Variants in THSD7B observed in about 807,000 individuals in gnomAD.
The protein encoded by THSD7B is thrombospondin type 1 domain containing 7B.
THSD7B carries 138 observed loss-of-function variants against 213.6 expected under a neutral mutation model. The ratio of observed to expected loss-of-function variants is 0.65; its 90% CI spans 0.56 to 0.74. The LOEUF is 0.74. Among genes scored for constraint, THSD7B ranks in the 30% least tolerant of loss-of-function variants. THSD7B has a pLI of 0.00. For missense variants in THSD7B, 1,931 were observed against 1,991.5 expected (o/e 0.97, Z 0.58); for synonymous variants, 742 against 687.0 (o/e 1.08, Z -1.25).
intron 1 of THSD7B, among the ~76,000 whole-genome samples, chr2:136,767,119 A>G (rs1251179791): frequency 1.3e-5 from 2 of 152,160 alleles, no homozygotes; most frequent in African/African-American, 4.8e-5. Flanking sequence ...TTCTCGAGTA[A>G]CTAGGAGGAG....
intron 2 of THSD7B, among the ~76,000 whole-genome samples, chr2:137,014,777 C>T (rs1276671349): frequency 1.3e-5 from 2 of 152,210 alleles, no homozygotes; most frequent in East Asian, 3.9e-4. Flanking sequence ...TTCCTCACAC[C>T]GCATCTCAGT....
intron 1 of THSD7B, among the ~76,000 whole-genome samples, chr2:136,880,677 A>G (rs1683607189): frequency 6.6e-6 from 1 of 152,060 alleles, no homozygotes; most frequent in African/African-American, 2.4e-5. Flanking sequence ...TATGTAGCAC[A>G]TCCAGTTGTT....
In THSD7B at chr2:137,170,879, A is replaced by T. The variant is rs1238134134; in HGVS notation, c.1664A>T (p.Asp555Val). The change falls in exon 7 of 28, where the codon GAT becomes GTT. Residue 555 changes from aspartate to valine, a missense_variant. Asp to Val is a radical substitution (Grantham distance 152, BLOSUM62 -3). Coordinates refer to ENST00000409968, the MANE Select transcript of THSD7B (RefSeq NM_001316349.2). The part of the protein sequence containing the change: ...WLASEGICFP[D>V]HGKCGLGHRI... ...GCATCAGAAGGGATCTGTTTCCCTG[A>T]TCATGGAAAATGTGGCCTGGGACAT... 2 of 1,613,530 alleles carry T rather than the reference A, an allele frequency of 1.2e-6. No individual in the cohort carries two copies. Among genetic ancestry groups the T allele is most frequent in the Non-Finnish European group, 1.7e-6 (2 of 1,179,766 alleles).
At chr2:136,911,147 G>T (rs1285659420) in intron 2 of THSD7B, among the ~76,000 whole-genome samples, 1 of 152,106 alleles carries the variant, frequency 6.6e-6, no homozygotes, top group African/African-American at 2.4e-5. Flanking sequence ...CAACTTTAAG[G>T]TTGGCTTTTG....
chr2:137,146,310 G>C (rs1037001411), intron 5 of THSD7B, among the ~76,000 whole-genome samples: 1 of 152,008 alleles, frequency 6.6e-6, no homozygotes, highest in Non-Finnish European at 1.5e-5. Context: ...AAATTAAAAA[G>C]ATAGATTTCA....
intron 12 of THSD7B, among the ~76,000 whole-genome samples, chr2:137,330,398 C>T (rs1054374658): frequency 5.9e-5 from 9 of 152,158 alleles, no homozygotes; most frequent in South Asian, 4.1e-4. Flanking sequence ...AAAGTGTGTC[C>T]GTAATTGGTG....
At chr2:136,888,312 G>A (rs1683753854) in intron 2 of THSD7B, among the ~76,000 whole-genome samples, 1 of 152,020 alleles carries the variant, frequency 6.6e-6, no homozygotes, top group Admixed American at 6.6e-5. Flanking sequence ...TTGGAAAAAA[G>A]AGACTATGAA....
intron 10 of THSD7B, among the ~76,000 whole-genome samples, chr2:137,259,261 A>G (rs1415220010): frequency 1.3e-5 from 2 of 152,186 alleles, no homozygotes; most frequent in African/African-American, 2.4e-5. Flanking sequence ...GAATCACCAC[A>G]CTGTTTTCCA....
intron 14 of THSD7B, among the ~76,000 whole-genome samples, chr2:137,412,521 C>A (rs200190619): frequency 6.9e-6 from 1 of 144,554 alleles, no homozygotes; most frequent in Admixed American, 7.0e-5. Flanking sequence ...TGCTTGAACC[C>A]GGGGGGCAGA....
At chr2:137,472,587 A>G (rs910743566) in intron 15 of THSD7B, among the ~76,000 whole-genome samples, 3 of 152,216 alleles carry the variant, frequency 2.0e-5, no homozygotes. Context: ...CTGTTCTTGC[A>G]TCAGTCTTTT....
chr2:137,241,845 G>T lies in THSD7B; in HGVS notation c.2151-612G>T, dbSNP rs1681913285. ...AGTCACTTGAACTTGGGAGGTGGAG[G>T]TTGCAGTGAGCCGAGATCGTGCCAC... On this transcript the variant is annotated intron_variant, in intron 9 of 27. Coordinates refer to ENST00000409968, the MANE Select transcript of THSD7B (RefSeq NM_001316349.2). 2.0e-5 allele frequency among the ~76,000 whole-genome samples: 3 copies of T among 151,562 alleles called. No homozygotes were observed. The South Asian group carries it at 6.3e-4, about 32-fold the overall frequency.
intron 12 of THSD7B, among the ~76,000 whole-genome samples, chr2:137,311,779 T>G (rs1683915358): frequency 6.6e-6 from 1 of 150,840 alleles, no homozygotes; most frequent in Admixed American, 6.6e-5. Context: ...GGTTTTTGTC[T>G]TTGGTTCTGT....
At chr2:136,886,985 G>C (rs1432011014) in intron 2 of THSD7B, among the ~76,000 whole-genome samples, 2 of 152,126 alleles carry the variant, frequency 1.3e-5, no homozygotes, top group Non-Finnish European at 2.9e-5. Context: ...GAAATGAAGA[G>C]ATTAGCTTGA....
intron 2 of THSD7B, among the ~76,000 whole-genome samples, chr2:136,969,090 A>T (rs2104798114): frequency 6.6e-6 from 1 of 152,278 alleles, no homozygotes; most frequent in African/African-American, 2.4e-5. Context: ...TGTCAGCTAT[A>T]GGTCTGCTTG....
At chr2:137,598,244 G>GCCAACTAGATGGTAC (rs1558854521) in intron 17 of THSD7B, among the ~76,000 whole-genome samples, 2 of 152,188 alleles carry the variant, frequency 1.3e-5, no homozygotes, top group African/African-American at 4.8e-5. Flanking sequence ...ACATTTTCCA[G>GCCAACTAGATGGTAC]AAGTTGCCAA....
chr2:137,242,937 A>G (rs1459325723), intron 10 of THSD7B, among the ~76,000 whole-genome samples: 4 of 152,136 alleles, frequency 2.6e-5, no homozygotes, highest in African/African-American at 9.7e-5. Flanking sequence ...AGTTCCAGGT[A>G]TCCTCATTAG....
chr2:136,796,607 C>T (rs1682069705), intron 1 of THSD7B, among the ~76,000 whole-genome samples: 2 of 151,874 alleles, frequency 1.3e-5, no homozygotes, highest in Non-Finnish European at 2.9e-5. Context: ...TCAAGATTTT[C>T]AGAGATTAAG....
chr2:137,567,179 T>A lies in THSD7B; in HGVS notation c.3272+3825T>A, dbSNP rs186750642. ...TATTTTATTTTATTTTATTTTATTT[T>A]ATTTTTTGAGACTGAGTCTTGATCT... On this transcript the variant is annotated intron_variant, in intron 16 of 27. Transcript: ENST00000409968. Among the ~76,000 whole-genome samples, 144 of 149,406 alleles carry A rather than the reference T, an allele frequency of 9.6e-4. 3 individuals are homozygous for A. The East Asian group carries it at 0.027, about 28-fold the overall frequency.
intron 8 of THSD7B, among the ~76,000 whole-genome samples, chr2:137,231,517 C>T (rs1681639267): frequency 6.6e-6 from 1 of 152,138 alleles, no homozygotes; most frequent in Non-Finnish European, 1.5e-5. Flanking sequence ...CCTTCTTAGA[C>T]AAGAAAGCAG....
Sources: gnomAD v4.1 joint callset for allele counts (sites outside exome capture counted in the v4.1 genomes callset) on GRCh38, gnomAD v4.1.1 for gene constraint, MANE v1.5 for transcripts, NCBI Gene and HGNC (gene_info 2026-07-23, HGNC 2026-07-21) for gene names.